Variants in DCBLD2 observed in about 807,000 individuals in gnomAD.
DCBLD2 encodes the protein discoidin, CUB and LCCL domain containing 2.
A neutral mutation model predicts 86.8 loss-of-function variants in DCBLD2; 54 were observed. That is an observed-to-expected ratio of 0.62 (90% CI 0.50 to 0.78). DCBLD2 has a LOEUF of 0.78. DCBLD2 is among the 30% of genes least tolerant of loss of function. DCBLD2 has a pLI of 0.00. For synonymous variants in DCBLD2, 354 were observed against 341.3 expected, an observed-to-expected ratio of 1.04 and a Z score of -0.41; for missense variants, 908 against 954.2, an observed-to-expected ratio of 0.95 and a Z score of 0.64.
chr3:98,834,706 T>C (rs1942396455), intron 3 of DCBLD2, among the ~76,000 whole-genome samples: 3 of 151,684 alleles, frequency 2.0e-5, no homozygotes, highest in African/African-American at 7.2e-5. Context: ...CATTGATGGA[T>C]ACTTAGATTG....
Position 98,801,554 on chromosome 3 carries a change from C to T in DCBLD2, c.1720+46G>A, listed in dbSNP as rs375248206. 172 of 1,531,150 alleles carry T rather than the reference C, an allele frequency of 1.1e-4. No homozygotes were observed. The Admixed American group carries it at 2.0e-3, about 18-fold the overall frequency. 94.8% of individuals were successfully genotyped at this position (1,531,150 alleles called of 1,614,324 possible). On this transcript the variant is annotated intron_variant, in intron 14 of 15. Coordinates refer to ENST00000326840, the MANE Select transcript of DCBLD2 (RefSeq NM_080927.4). ...TTCACTACTGCCCCCTGTAGGGGAG[C>T]GACATCCCTCTGATAGAAATGAGAT...
At chr3:98,898,403 A>C (rs1404896070) in intron 1 of DCBLD2, among the ~76,000 whole-genome samples, 1 of 150,880 alleles carries the variant, frequency 6.6e-6, no homozygotes, top group Non-Finnish European at 1.5e-5. Context: ...TACTAGATGC[A>C]TTTCTACCTT....
At chr3:98,828,195 T>TCAAGAAA (rs1942257908) in intron 3 of DCBLD2, among the ~76,000 whole-genome samples, 2 of 151,810 alleles carry the variant, frequency 1.3e-5, no homozygotes, top group African/African-American at 4.8e-5. Flanking sequence ...AGAAAACAAA[T>TCAAGAAA]AAAAATAAAT....
chr3:98,832,509 T>C (rs536482618), intron 3 of DCBLD2, among the ~76,000 whole-genome samples: 1 of 152,332 alleles, frequency 6.6e-6, no homozygotes, highest in South Asian at 2.1e-4. Context: ...GCTGGCTTGT[T>C]TGTGTGGTTC....
At chr3:98,852,803 T>C (rs1942864398) in intron 2 of DCBLD2, among the ~76,000 whole-genome samples, 2 of 152,168 alleles carry the variant, frequency 1.3e-5, no homozygotes, top group African/African-American at 2.4e-5. Context: ...GTTAAAGCAG[T>C]CCCTGGCCAA....
intron 3 of DCBLD2, among the ~76,000 whole-genome samples, chr3:98,836,582 C>A (rs1942454747): frequency 6.7e-6 from 1 of 149,248 alleles, no homozygotes; most frequent in African/African-American, 2.5e-5. Flanking sequence ...CATTGTCATC[C>A]TGGCCCGTTC....
intron 2 of DCBLD2, among the ~76,000 whole-genome samples, chr3:98,849,997 C>A (rs1040022286): frequency 1.3e-5 from 2 of 152,154 alleles, no homozygotes; most frequent in Non-Finnish European, 2.9e-5. Context: ...TAGATTCCAG[C>A]CTCAGGTCAT....
At chr3:98,878,154 G>C (rs573549269) in intron 2 of DCBLD2, among the ~76,000 whole-genome samples, 2 of 152,266 alleles carry the variant, frequency 1.3e-5, no homozygotes, top group African/African-American at 4.8e-5. Context: ...ATTTCAAAGA[G>C]TCTCCCAATC....
At chr3:98,830,754 T>C (rs1942306271) in intron 3 of DCBLD2, among the ~76,000 whole-genome samples, 1 of 152,178 alleles carries the variant, frequency 6.6e-6, no homozygotes, top group Non-Finnish European at 1.5e-5. Flanking sequence ...TCTAAAGTAG[T>C]TTTTTCTAGT....
chr3:98,886,463 G>A lies in DCBLD2; in HGVS notation c.206-4696C>T, dbSNP rs536416269. On this transcript the variant is annotated intron_variant, in intron 1 of 15. Coordinates refer to ENST00000326840, the MANE Select transcript of DCBLD2 (RefSeq NM_080927.4). ...ACTCTTGGAAAAAACAACATTCAGAGCACCAATCCATACATTCTCACCAAC... is the reference window on the plus strand; with the variant it reads ...ACTCTTGGAAAAAACAACATTCAGAACACCAATCCATACATTCTCACCAAC... 2.0e-5 allele frequency among the ~76,000 whole-genome samples: 3 copies of A among 152,036 alleles called. No homozygotes were observed. The South Asian group carries it at 6.2e-4, about 32-fold the overall frequency.
chr3:98,807,487 C>T (rs1454975624), intron 13 of DCBLD2, among the ~76,000 whole-genome samples: 1 of 152,116 alleles, frequency 6.6e-6, no homozygotes, highest in African/African-American at 2.4e-5. Flanking sequence ...AGACGGCAGG[C>T]CCTCACTAGT....
chr3:98,881,394 A>C lies in DCBLD2; in HGVS notation c.433+146T>G, dbSNP rs1943467978. The C allele has an allele frequency of 1.4e-5, 10 of 721,860 alleles. No individual in the cohort carries two copies. In the South Asian group the frequency reaches 1.7e-4, roughly 12 times the overall value. 44.7% of individuals were successfully genotyped at this position (721,860 alleles called of 1,614,324 possible). A position where few individuals can be genotyped will look rare whatever the true frequency, so the allele number is the denominator to read the frequency against. On this transcript the variant is annotated intron_variant, in intron 2 of 15. Transcript: ENST00000326840. ...ACAGACAAGAATCTTCTCTTCCCAA[A>C]AGATTCAAATTCAAAATTTTTACAC... is the stretch of plus-strand genomic sequence containing the variant.
Position 98,801,543 on chromosome 3 carries a change from C to G in DCBLD2, c.1720+57G>C, listed in dbSNP as rs145702332. 1.6e-3 allele frequency: 2,348 copies of G among 1,441,772 alleles called. 1 individual carries two copies. The highest frequency in any genetic ancestry group is 6.1e-3 in the Admixed American group (325 of 53,308). The allele number at this position is 1,441,772 out of a possible 1,614,324, so 89.3% of individuals were successfully genotyped here. On this transcript the variant is annotated intron_variant, in intron 14 of 15. Coordinates refer to ENST00000326840, the MANE Select transcript of DCBLD2 (RefSeq NM_080927.4). ...ATGACTCTTTTTTCACTACTGCCCC[C>G]TGTAGGGGAGCGACATCCCTCTGAT... is the stretch of plus-strand genomic sequence containing the variant.
intron 2 of DCBLD2, among the ~76,000 whole-genome samples, chr3:98,873,238 G>A (rs1361191129): frequency 2.0e-5 from 3 of 151,988 alleles, no homozygotes; most frequent in Admixed American, 2.0e-4. Flanking sequence ...CCAGGAGACA[G>A]CAAAGAAAGA....
chr3:98,885,876 G>A (rs1262328339), intron 1 of DCBLD2, among the ~76,000 whole-genome samples: 4 of 151,366 alleles, frequency 2.6e-5, no homozygotes, highest in Non-Finnish European at 5.9e-5. Context: ...TGTCACAACT[G>A]GAGGGGGAGG....
chr3:98,869,737 G>C (rs1043071914), intron 2 of DCBLD2, among the ~76,000 whole-genome samples: 1 of 152,178 alleles, frequency 6.6e-6, no homozygotes, highest in Non-Finnish European at 1.5e-5. Context: ...ACTAACATTA[G>C]AATTGTCTGA....
intron 2 of DCBLD2, among the ~76,000 whole-genome samples, chr3:98,869,525 T>G (rs1200051820): frequency 6.6e-6 from 1 of 152,186 alleles, no homozygotes; most frequent in East Asian, 1.9e-4. Context: ...TATCCAGAAT[T>G]TTTCCTAGGG....
intron 1 of DCBLD2, among the ~76,000 whole-genome samples, chr3:98,898,485 T>C (rs984395865): frequency 6.6e-6 from 1 of 151,768 alleles, no homozygotes; most frequent in Non-Finnish European, 1.5e-5. Context: ...TCTGACTATA[T>C]GCGAATTACA....
chr3:98,811,243 A>G lies in DCBLD2; in HGVS notation c.1527T>C (p.Thr509=), dbSNP rs1405075310. 1 of 1,611,998 alleles carries G rather than the reference A, an allele frequency of 6.2e-7. No individual in the cohort carries two copies. Among genetic ancestry groups the G allele is most frequent in the East Asian group, 2.2e-5 (1 of 44,870 alleles). Residue 509 remains threonine (T), a synonymous_variant, in exon 12 of 16, where the codon ACT becomes ACC. Coordinates refer to ENST00000326840, the MANE Select transcript of DCBLD2 (RefSeq NM_080927.4). Reference sequence around the variant, plus strand: ...TAGTATTTCTGATATCAGGACTGGCAGTTGTTTGTTCTGTCTGTGCAGGAA... The same window carrying G: ...TAGTATTTCTGATATCAGGACTGGCGGTTGTTTGTTCTGTCTGTGCAGGAA... ...NEFPAQTEQT[T]ASPDIRNTTV...
Sources: gnomAD v4.1 joint callset for allele counts (sites outside exome capture counted in the v4.1 genomes callset) on GRCh38, gnomAD v4.1.1 for gene constraint, MANE v1.5 for transcripts, NCBI Gene and HGNC (gene_info 2026-07-23, HGNC 2026-07-21) for gene names.